Variants in REL observed in about 807,000 individuals in gnomAD.
REL encodes proto-oncogene c-Rel.
Under a neutral mutation model 45.9 loss-of-function variants are expected in REL, and 15 were observed. The ratio of observed to expected loss-of-function variants is 0.33; its 90% CI spans 0.22 to 0.50. REL has a LOEUF of 0.50. Ranked by LOEUF, REL falls within the 20% of genes least tolerant of loss-of-function variation. REL has a pLI of 0.98. For synonymous variants in REL, 239 were observed against 242.1 expected (o/e 0.99, Z 0.12); for missense variants, 601 against 715.2 (o/e 0.84, Z 1.82).
In REL at chr2:60,889,061, CAT is replaced by C. The variant is rs1371643657; in HGVS notation, c.11-2620_11-2619del. On this transcript the variant is annotated intron_variant, in intron 1 of 9. Transcript: ENST00000394479. ...CAAAATATTCATTGATTTCATCACA[CAT>C]AAAATGAAATCCACATTGCCAAGTG... Among the ~76,000 whole-genome samples, 6 of 152,332 alleles carry C rather than the reference CAT, an allele frequency of 3.9e-5. No homozygotes were observed. In the East Asian group the frequency reaches 1.2e-3, roughly 29 times the overall value.
intron 4 of REL, among the ~76,000 whole-genome samples, 189 bp downstream of exon 4, chr2:60,901,272 C>T (rs1342843178): frequency 6.6e-6 from 1 of 150,594 alleles, no homozygotes; most frequent in African/African-American, 2.4e-5. Context: ...TCTCCTGCCT[C>T]AGCCTCAGCC....
chr2:60,921,137 C>T (rs1033974486), intron 9 of REL, among the ~76,000 whole-genome samples: 4 of 126,918 alleles, frequency 3.2e-5, no homozygotes, highest in East Asian at 1.9e-4. Flanking sequence ...GTAATTCAAC[C>T]GAGGGCTAAT....
intron 2 of REL, among the ~76,000 whole-genome samples, chr2:60,893,825 A>C (rs1035127941): frequency 6.6e-6 from 1 of 152,152 alleles, no homozygotes; most frequent in Non-Finnish European, 1.5e-5. Context: ...CTTCCATGTT[A>C]AACTCTCCTT....
chr2:60,891,948 C>CT (rs780744437), intron 2 of REL, 123 bp downstream of exon 2: 15,976 of 806,658 alleles, frequency 0.02, no homozygotes, highest in East Asian at 0.026. Flanking sequence ...TTCTTTTTTC[C>CT]TTTTTTTTTT....
intron 4 of REL, among the ~76,000 whole-genome samples, chr2:60,916,152 C>T (rs1011603998): frequency 6.6e-6 from 1 of 152,236 alleles, no homozygotes; most frequent in Non-Finnish European, 1.5e-5. Context: ...GTGGCTCACG[C>T]CCATAATCCC....
At chr2:60,901,150 C>CTTTTTTTTTTTT (rs10565258) in intron 4 of REL, 67 bp downstream of exon 4, 7 of 915,960 alleles carry the variant, frequency 7.6e-6, no homozygotes, top group Admixed American at 1.0e-4. Context: ...TTTTCTTTCT[C>CTTTTTTTTTTTT]TTTTTTTTTT....
intron 3 of REL, 59 bp downstream of exon 3, chr2:60,894,604 C>A (rs1673301649): frequency 6.2e-6 from 8 of 1,291,406 alleles, no homozygotes; most frequent in Non-Finnish European, 8.4e-6. Context: ...TGTTCTGTTT[C>A]TTCTCCATGA....
chr2:60,884,437 G>A (rs1437240546), intron 1 of REL, among the ~76,000 whole-genome samples: 1 of 151,882 alleles, frequency 6.6e-6, no homozygotes, highest in Non-Finnish European at 1.5e-5. Context: ...GCTGCCTTTC[G>A]TTGCTTTTTA....
intron 2 of REL, 77 bp from the exon 3 acceptor site, chr2:60,894,320 A>T: frequency 1.2e-6 from 1 of 848,638 alleles, no homozygotes; most frequent in African/African-American, 1.8e-5. Flanking sequence ...AATTAATGTA[A>T]ATTGAATTCT....
intron 4 of REL, among the ~76,000 whole-genome samples, chr2:60,907,073 C>G (rs925862511): frequency 1.3e-5 from 2 of 151,524 alleles, no homozygotes; most frequent in African/African-American, 2.4e-5. Context: ...GCACGCGCCA[C>G]CATGCCCAGC....
At position 60,894,435 on chromosome 2, in the gene REL, A is replaced by C. The variant is rs6729789; in HGVS notation, c.192A>C (p.Thr64=). The change falls in exon 3 of 10, where the codon ACA becomes ACC. Residue 64 remains threonine (T), a synonymous_variant. Transcript: ENST00000394479. ...ATGGAAAAGGAAAAGTGAGAATTAC[A>C]TTAGTAACAAAGAATGACCCATATA... is the stretch of plus-strand genomic sequence containing the variant. The part of the protein sequence containing the change: ...NYYGKGKVRI[T]LVTKNDPYKP... 6.9e-6 allele frequency: 11 copies of C among 1,585,920 alleles called. No individual in the cohort carries two copies. The highest frequency in any genetic ancestry group is 3.5e-5 in the Admixed American group (2 of 56,944).
chr2:60,883,268 C>T (rs1672993241), intron 1 of REL, among the ~76,000 whole-genome samples: 2 of 152,284 alleles, frequency 1.3e-5, no homozygotes, highest in Middle Eastern at 3.4e-3. Context: ...GCTTAAAGAA[C>T]CTTTTTAAAA....
intron 4 of REL, 111 bp from the exon 5 acceptor site, chr2:60,916,766 A>T: frequency 1.6e-6 from 1 of 621,974 alleles, no homozygotes; most frequent in Non-Finnish European, 2.7e-6. Context: ...TTATTCATAC[A>T]TATTTGGATG....
chr2:60,914,836 T>C (rs926709982), intron 4 of REL, among the ~76,000 whole-genome samples: 1 of 65,084 alleles, frequency 1.5e-5, no homozygotes, highest in African/African-American at 5.9e-5. Flanking sequence ...TGTTTTTTTG[T>C]TTTTTTTTTT....
chr2:60,891,928 G>C, intron 2 of REL, 103 bp downstream of exon 2: 1 of 1,144,066 alleles, frequency 8.7e-7, no homozygotes, highest in East Asian at 2.7e-5. Context: ...ATCTCCACAG[G>C]TTTATCTTTT....
intron 4 of REL, among the ~76,000 whole-genome samples, chr2:60,908,555 A>G (rs1673723745): frequency 6.6e-6 from 1 of 152,228 alleles, no homozygotes; most frequent in Admixed American, 6.5e-5. Context: ...ACTTAGCTAG[A>G]ACAAGAGTGG....
At chr2:60,915,566 A>G (rs1673941719) in intron 4 of REL, among the ~76,000 whole-genome samples, 1 of 152,232 alleles carries the variant, frequency 6.6e-6, no homozygotes, top group Non-Finnish European at 1.5e-5. Flanking sequence ...AAACAGTACA[A>G]AATACATTAT....
chr2:60,925,100 G>T lies in REL; in HGVS notation c.*2565G>T, dbSNP rs1456149447. On this transcript the variant is annotated 3_prime_UTR_variant, in exon 10 of 10. Transcript: ENST00000394479. ...TTTTATTATTACAGATTAAAGTTGG[G>T]CAGTAATCTTAATTATGATGGAATT... 5.0e-6 allele frequency: 1 copy of T among 198,174 alleles called. No individual in the cohort carries two copies. The highest frequency in any genetic ancestry group is 1.0e-5 in the Non-Finnish European group (1 of 95,756). 12.3% of individuals were successfully genotyped at this position (198,174 alleles called of 1,614,324 possible).
intron 5 of REL, among the ~76,000 whole-genome samples, chr2:60,917,331 T>G (rs923619460): frequency 1.3e-5 from 2 of 152,146 alleles, no homozygotes; most frequent in African/African-American, 4.8e-5. Flanking sequence ...AAACTAACTT[T>G]CTTCTTACCA....
Sources: allele counts gnomAD v4.1 joint callset (sites outside exome capture counted in the v4.1 genomes callset), GRCh38; gene constraint gnomAD v4.1.1; transcripts MANE v1.5; gene names NCBI Gene and HGNC (gene_info 2026-07-23, HGNC 2026-07-21).